The following AFTPH variants were observed in gnomAD, a reference collection of about 807,000 sequenced individuals.
The protein encoded by AFTPH is aftiphilin protein.
AFTPH carries 7 observed loss-of-function variants against 72.5 expected under a neutral mutation model. The ratio of observed to expected loss-of-function variants is 0.10; its 90% CI spans 0.05 to 0.18. The LOEUF is 0.18. Among genes scored for constraint, AFTPH ranks in the 10% least tolerant of loss-of-function variants. AFTPH has a pLI of 1.00. For synonymous variants in AFTPH, 337 were observed against 370.1 expected, an observed-to-expected ratio of 0.91 and a Z score of 1.03; for missense variants, 979 against 1,060.5, an observed-to-expected ratio of 0.92 and a Z score of 1.07.
intron 5 of AFTPH, among the ~76,000 whole-genome samples, chr2:64,572,678 C>T (rs1361219610): frequency 1.3e-5 from 2 of 151,978 alleles, no homozygotes; most frequent in Admixed American, 6.6e-5. Flanking sequence ...CATTATAGTG[C>T]TATAGGATTT....
chr2:64,586,468 C>G (rs758729815), intron 8 of AFTPH, among the ~76,000 whole-genome samples: 3 of 152,260 alleles, frequency 2.0e-5, no homozygotes, highest in African/African-American at 4.8e-5. Flanking sequence ...TTTAAAAAAG[C>G]CTTTTTTATT....
At chr2:64,529,679 G>A (rs887169856) in intron 1 of AFTPH, among the ~76,000 whole-genome samples, 14 of 150,328 alleles carry the variant, frequency 9.3e-5, no homozygotes, top group African/African-American at 3.2e-4. Context: ...ACCCAGGCTG[G>A]AGTACAGTGG....
chr2:64,553,261 CTCA>C, exon 2 of AFTPH: 3 of 1,614,068 alleles, frequency 1.9e-6, no homozygotes, highest in Non-Finnish European at 2.5e-6. Flanking sequence ...GCTACTGAAT[CTCA>C]TCATCGAAAG....
chr2:64,563,216 TG>T (rs1300969059), intron 2 of AFTPH, among the ~76,000 whole-genome samples: 2 of 152,232 alleles, frequency 1.3e-5, no homozygotes, highest in Non-Finnish European at 2.9e-5. Context: ...AGAGTTTTGA[TG>T]TGATACTGAA....
At chr2:64,569,180 A>C (rs1436621808) in exon 4 of AFTPH, 1 of 1,613,986 alleles carries the variant, frequency 6.2e-7, no homozygotes, top group East Asian at 2.2e-5. Context: ...TAGCAACAAG[A>C]AGCTTTTGTC....
At chr2:64,541,792 T>G (rs1367959284) in intron 1 of AFTPH, among the ~76,000 whole-genome samples, 2 of 152,224 alleles carry the variant, frequency 1.3e-5, no homozygotes, top group Non-Finnish European at 2.9e-5. Flanking sequence ...ATACGGTTTT[T>G]CTTTTTTGTT....
chr2:64,547,226 ATTC>A (rs1396705864), intron 1 of AFTPH, among the ~76,000 whole-genome samples: 2 of 152,142 alleles, frequency 1.3e-5, no homozygotes, highest in South Asian at 2.1e-4. Flanking sequence ...ATGTCTCTTT[ATTC>A]TTCTTCTTCA....
intron 2 of AFTPH, among the ~76,000 whole-genome samples, chr2:64,559,230 T>C (rs756329081): frequency 6.2e-5 from 9 of 145,958 alleles, no homozygotes; most frequent in Non-Finnish European, 1.2e-4. Flanking sequence ...AAAATAGAGG[T>C]GTATTAGAGT....
chr2:64,548,958 G>C (rs142053504), intron 1 of AFTPH, among the ~76,000 whole-genome samples: 3 of 152,186 alleles, frequency 2.0e-5, no homozygotes, highest in African/African-American at 7.2e-5. Flanking sequence ...ATTTCTTCCT[G>C]GTAACTCTGA....
At chr2:64,552,524 A>G (rs1212256723) in exon 2 of AFTPH, 1 of 1,613,868 alleles carries the variant, frequency 6.2e-7, no homozygotes, top group Admixed American at 1.7e-5. Flanking sequence ...TTAGGAGAGA[A>G]CAATGTAAAA....
At chr2:64,570,892 T>C (rs531385453) in intron 5 of AFTPH, among the ~76,000 whole-genome samples, 1 of 150,190 alleles carries the variant, frequency 6.7e-6, no homozygotes, top group African/African-American at 2.5e-5. Flanking sequence ...CTATGGACTT[T>C]TTTTCCCACT....
At chr2:64,575,765 G>T (rs1190314092) in intron 6 of AFTPH, among the ~76,000 whole-genome samples, 2 of 145,338 alleles carry the variant, frequency 1.4e-5, no homozygotes, top group African/African-American at 2.6e-5. Flanking sequence ...TGGAGGTAGA[G>T]TCTTGCTCTG....
chr2:64,528,381 C>A (rs6754850), intron 1 of AFTPH, among the ~76,000 whole-genome samples: 17,025 of 152,168 alleles, frequency 0.11, 2,652 homozygotes, highest in African/African-American at 0.34. Flanking sequence ...GAAAAAAAAT[C>A]TGCCCTCCTA....
rs546956614 is a variant in AFTPH, at chr2:64,586,494, TTCTC to T, written c.2579+955_2579+958del. 2.6e-4 allele frequency among the ~76,000 whole-genome samples: 40 copies of T among 152,362 alleles called. 1 individual carries two copies. In the South Asian group the frequency reaches 6.8e-3, roughly 26 times the overall value. ...CTTTTTTATTGTGAATAATAAATGT[TTCTC>T]TCTCTTAACTTTAGCTTGAATTATC... On this transcript the variant is annotated intron_variant, in intron 8 of 8. Transcript: ENST00000238856.
intron 7 of AFTPH, 95 bp downstream of exon 7, chr2:64,579,641 T>G: frequency 9.0e-7 from 1 of 1,111,420 alleles, no homozygotes; most frequent in Non-Finnish European, 1.3e-6. Context: ...CTTTTTTGTT[T>G]GAACATAACT....
At chr2:64,534,284 A>C (rs1222277406) in intron 1 of AFTPH, among the ~76,000 whole-genome samples, 1 of 152,120 alleles carries the variant, frequency 6.6e-6, no homozygotes, top group East Asian at 1.9e-4. Flanking sequence ...CTATTTATAA[A>C]AAGCAATGAA....
In AFTPH at chr2:64,552,757, A is replaced by T. The variant is rs763666920; in HGVS notation, c.1283A>T (p.Asn428Ile). The T allele has an allele frequency of 1.9e-6, 3 of 1,614,194 alleles. No homozygotes were observed. The Admixed American group carries it at 5.0e-5, about 27-fold the overall frequency. Reference sequence around the variant, plus strand: ...GACTTTGTGACTTGCAATGATATCAATGAAGATGATTTTGGTGATTTTGGT... The same window carrying T: ...GACTTTGTGACTTGCAATGATATCATTGAAGATGATTTTGGTGATTTTGGT... The change falls in exon 2 of 9, where the codon AAT (asparagine) becomes ATT (isoleucine). Residue 428 changes from asparagine (N) to isoleucine (I), a missense_variant. Physicochemically the swap from Asn to Ile is moderately radical, Grantham distance 149. Transcript: ENST00000238856.
At chr2:64,587,985 T>C (rs1673607572) in intron 8 of AFTPH, among the ~76,000 whole-genome samples, 1 of 152,196 alleles carries the variant, frequency 6.6e-6, no homozygotes, top group African/African-American at 2.4e-5. Flanking sequence ...TTATAATTCA[T>C]TCAGGTGTTC....
chr2:64,563,610 C>T (rs1671867772), intron 2 of AFTPH, among the ~76,000 whole-genome samples: 1 of 152,172 alleles, frequency 6.6e-6, no homozygotes, highest in Non-Finnish European at 1.5e-5. Context: ...GACTATGTTA[C>T]ATCACATTTT....
Sources: gnomAD v4.1 joint callset for allele counts (sites outside exome capture counted in the v4.1 genomes callset) on GRCh38, gnomAD v4.1.1 for gene constraint, MANE v1.5 for transcripts, NCBI Gene and HGNC (gene_info 2026-07-23, HGNC 2026-07-21) for gene names.